Variants in PLEKHS1 observed in about 807,000 individuals in gnomAD.
PLEKHS1 encodes the protein pleckstrin homology domain-containing family S member 1.
Under a neutral mutation model 51.0 loss-of-function variants are expected in PLEKHS1, and 55 were observed. The ratio of observed to expected loss-of-function variants is 1.08; its 90% CI spans 0.87 to 1.35. The LOEUF is 1.35. Ranked by LOEUF, PLEKHS1 falls within the 40% of genes most tolerant of loss-of-function variation. The probability of loss-of-function intolerance (pLI) is 0.00; values close to 1 mark genes in which losing one functional copy is unlikely to be tolerated. For missense variants in PLEKHS1, 398 were observed against 423.0 expected, an observed-to-expected ratio of 0.94 and a Z score of 0.52; for synonymous variants, 153 against 144.8, an observed-to-expected ratio of 1.06 and a Z score of -0.41.
At chr10:113,783,365 A>C (rs2134604500), downstream of PLEKHS1, 1 of 152,384 alleles carries the variant, frequency 6.6e-6, no homozygotes, top group African/African-American at 2.4e-5. Context: ...TGAAAGAATC[A>C]AGTTGTATAA....
At chr10:113,780,491 C>T (rs752177305) in intron 11 of PLEKHS1, 111 bp from the exon 13 acceptor site, 26 of 1,003,388 alleles carry the variant, frequency 2.6e-5, no homozygotes, top group Non-Finnish European at 3.9e-5. Flanking sequence ...CAGTTCACTG[C>T]AGGACTTTCT....
chr10:113,780,560 A>G (rs1844832343), intron 11 of PLEKHS1, 42 bp from the exon 13 acceptor site: 1 of 1,566,880 alleles, frequency 6.4e-7, no homozygotes, highest in Non-Finnish European at 8.8e-7. Flanking sequence ...AATCTTAAAG[A>G]TAATCTTTAG....
chr10:113,767,460 T>C (rs765934425), exon 5 of PLEKHS1: 1 of 1,612,170 alleles, frequency 6.2e-7, no homozygotes, highest in Non-Finnish European at 8.5e-7. Flanking sequence ...CAGGGAATAC[T>C]TCCTCATTGG....
At chr10:113,774,469 G>A (rs185129235) in intron 9 of PLEKHS1, 136 bp downstream of exon 9, 50 of 611,910 alleles carry the variant, frequency 8.2e-5, no homozygotes, top group Admixed American at 3.1e-4. Flanking sequence ...TTATTCAGTC[G>A]TCTCAACACA....
At chr10:113,774,962 G>C in exon 10 of PLEKHS1, 1 of 1,614,188 alleles carries the variant, frequency 6.2e-7, no homozygotes, top group Non-Finnish European at 8.5e-7. Flanking sequence ...CCCTGCCGAT[G>C]TGGAAGCACA....
At position 113,774,335 on chromosome 10, in the gene PLEKHS1, T is replaced by C; in HGVS notation, c.779+2T>C. 2 of 1,537,828 alleles carry C rather than the reference T, an allele frequency of 1.3e-6. No homozygotes were observed. Among genetic ancestry groups the C allele is most frequent in the Non-Finnish European group, 1.8e-6 (2 of 1,137,500 alleles). On this transcript the variant is annotated splice_donor_variant, in intron 9 of 11. Transcript: ENST00000361048. LOFTEE classifies it high-confidence loss of function. ...TCATTATGAGCCAATGGAATCCTAG[T>C]AAGTCAAAATGCCGTTTCAAAATTT...
At chr10:113,779,386 T>C (rs771219486) in intron 11 of PLEKHS1, among the ~76,000 whole-genome samples, 6 of 151,956 alleles carry the variant, frequency 3.9e-5, no homozygotes, top group South Asian at 2.1e-4. Flanking sequence ...CTGGCCAATA[T>C]AGTGAAACCC....
chr10:113,767,585 A>T, intron 5 of PLEKHS1, 106 bp downstream of exon 5: 1 of 1,087,594 alleles, frequency 9.2e-7, no homozygotes, highest in Non-Finnish European at 1.2e-6. Context: ...CCACGCTACA[A>T]ACCTCAAATG....
At chr10:113,768,634 G>A (rs1486105035) in intron 5 of PLEKHS1, among the ~76,000 whole-genome samples, 181 bp from the exon 6 acceptor site, 2 of 152,176 alleles carry the variant, frequency 1.3e-5, no homozygotes, top group African/African-American at 4.8e-5. Flanking sequence ...AGAGGTGGCT[G>A]AGCATTAATT....
chr10:113,781,161 G>A (rs184131827), exon 12 of PLEKHS1: 18 of 204,048 alleles, frequency 8.8e-5, no homozygotes, highest in Non-Finnish European at 1.5e-4. Context: ...GATTCCCAAG[G>A]GAGATGTGAT....
chr10:113,778,730 G>C (rs1346720891), intron 11 of PLEKHS1, among the ~76,000 whole-genome samples: 2 of 142,902 alleles, frequency 1.4e-5, no homozygotes, highest in African/African-American at 5.1e-5. Flanking sequence ...TGCAAGCTCC[G>C]CCTGCCGGGT....
At position 113,775,779 on chromosome 10, in the gene PLEKHS1, A is replaced by C. The variant is rs1190448815; in HGVS notation, c.1004A>C (p.Glu335Ala). 4 of 1,612,676 alleles carry C rather than the reference A, an allele frequency of 2.5e-6. 1 individual carries two copies. In the South Asian group the frequency reaches 4.4e-5, roughly 18 times the overall value. ...CTTGTTCATAGTAATATCCCCGATG[A>C]AAGCCAAGTGGAGAAACTGAACGTT... The change falls in exon 11 of 12, where the codon GAA becomes GCA. Residue 335 changes from glutamate to alanine, a missense_variant. Glu to Ala is a moderately radical substitution (Grantham distance 107). Coordinates refer to ENST00000361048, the Ensembl canonical transcript of PLEKHS1.
At chr10:113,760,688 T>A (rs1332303499) in intron 2 of PLEKHS1, among the ~76,000 whole-genome samples, 1 of 152,192 alleles carries the variant, frequency 6.6e-6, no homozygotes, top group Non-Finnish European at 1.5e-5. Flanking sequence ...ATTGTAAGAG[T>A]TCTTTATATA....
intron 2 of PLEKHS1, among the ~76,000 whole-genome samples, chr10:113,757,390 A>G (rs1194063622): frequency 6.6e-6 from 1 of 152,246 alleles, no homozygotes; most frequent in Non-Finnish European, 1.5e-5. Context: ...ATATCACAAT[A>G]AAGCTAGTCA....
At chr10:113,778,424 A>G (rs1844763315) in intron 11 of PLEKHS1, among the ~76,000 whole-genome samples, 1 of 152,178 alleles carries the variant, frequency 6.6e-6, no homozygotes, top group Non-Finnish European at 1.5e-5. Context: ...TGATTTCCAA[A>G]TTTCTTCCAG....
intron 1 of PLEKHS1, among the ~76,000 whole-genome samples, chr10:113,753,813 T>C (rs1179913784): frequency 6.6e-6 from 1 of 152,112 alleles, no homozygotes; most frequent in East Asian, 1.9e-4. Context: ...ATTTGTATTA[T>C]ATATTTTTTT....
chr10:113,753,662 G>A (rs938523823), intron 1 of PLEKHS1, among the ~76,000 whole-genome samples: 5 of 152,066 alleles, frequency 3.3e-5, no homozygotes, highest in Non-Finnish European at 7.4e-5. Flanking sequence ...CTAGGGGCAG[G>A]GTAGGTATGA....
intron 2 of PLEKHS1, among the ~76,000 whole-genome samples, chr10:113,762,365 C>CTTTTTTTTT (rs34457408): frequency 9.7e-5 from 6 of 61,786 alleles, no homozygotes; most frequent in African/African-American, 1.8e-4. Context: ...AGATTTGTTC[C>CTTTTTTTTT]TTTTTTTTTT....
chr10:113,774,132 CTA>C (rs1844541477), intron 8 of PLEKHS1, 93 bp from the exon 9 acceptor site: 1 of 718,446 alleles, frequency 1.4e-6, no homozygotes, highest in South Asian at 1.8e-5. Flanking sequence ...AACTGTACCT[CTA>C]TGTCAGAGCC....
Sources: allele counts gnomAD v4.1 joint callset (sites outside exome capture counted in the v4.1 genomes callset), GRCh38; gene constraint gnomAD v4.1.1; transcripts MANE v1.5; gene names NCBI Gene and HGNC (gene_info 2026-07-23, HGNC 2026-07-21).